RAD51B: variants seen among roughly 807,000 people sequenced by gnomAD.
RAD51B encodes RAD51 paralog B, also known as DNA repair protein RAD51 homolog 2.
RAD51B carries 38 observed loss-of-function variants against 42.2 expected under a neutral mutation model. The ratio of observed to expected loss-of-function variants is 0.90; its 90% CI spans 0.70 to 1.18. The LOEUF is 1.18. RAD51B is among the 50% of genes most tolerant of loss of function. The pLI is 0.00. For missense variants in RAD51B, 373 were observed against 400.7 expected (o/e 0.93, Z 0.59); for synonymous variants, 154 against 145.2 (o/e 1.06, Z -0.43).
At chr14:68,422,584 G>A (rs868255907) in intron 9 of RAD51B, among the ~76,000 whole-genome samples, 1 of 151,696 alleles carries the variant, frequency 6.6e-6, no homozygotes, top group Non-Finnish European at 1.5e-5. Context: ...AAAAATTAGG[G>A]GTAGAGGAAT....
intron 7 of RAD51B, among the ~76,000 whole-genome samples, chr14:68,262,857 T>C (rs1423747412): frequency 6.6e-6 from 1 of 152,202 alleles, no homozygotes; most frequent in East Asian, 1.9e-4. Context: ...ATCCCCTTTT[T>C]CCAATCATAC....
At chr14:68,325,301 C>G (rs2082227821) in intron 8 of RAD51B, among the ~76,000 whole-genome samples, 1 of 152,196 alleles carries the variant, frequency 6.6e-6, no homozygotes. Context: ...TGAGAGCTAT[C>G]ATTATCAACA....
At chr14:68,580,290 G>A (rs961538399) in intron 10 of RAD51B, among the ~76,000 whole-genome samples, 2 of 151,670 alleles carry the variant, frequency 1.3e-5, no homozygotes, top group African/African-American at 2.4e-5. Context: ...CTTGCCCTGC[G>A]GCCAGCTGTG....
Position 68,313,570 on chromosome 14 carries a change from C to T in RAD51B, c.853+21590C>T, listed in dbSNP as rs529893034. 6.5e-4 allele frequency among the ~76,000 whole-genome samples: 99 copies of T among 152,262 alleles called. 1 individual carries two copies. The highest frequency in any genetic ancestry group is 1.0e-3 in the Non-Finnish European group (70 of 68,024). Reference sequence around the variant, plus strand: ...CACTTCCAGCCCCAGCAACAGTGGCCCTTGTCTGCTGTGCAAACTTGGCTC... The same window carrying T: ...CACTTCCAGCCCCAGCAACAGTGGCTCTTGTCTGCTGTGCAAACTTGGCTC... On this transcript the variant is annotated intron_variant, in intron 8 of 10. Coordinates refer to ENST00000471583, the MANE Select transcript of RAD51B (RefSeq NM_133510.4).
intron 7 of RAD51B, among the ~76,000 whole-genome samples, chr14:68,070,598 A>C (rs1190408134): frequency 6.6e-6 from 1 of 151,800 alleles, no homozygotes; most frequent in Non-Finnish European, 1.5e-5. Flanking sequence ...AGGTGTGTGG[A>C]TTTATTTCTG....
intron 9 of RAD51B, among the ~76,000 whole-genome samples, chr14:68,428,337 C>G (rs934889620): frequency 6.6e-6 from 1 of 152,034 alleles, no homozygotes; most frequent in African/African-American, 2.4e-5. Flanking sequence ...AATTTTTTTG[C>G]ATTTTAAATT....
At chr14:68,512,031 TC>T (rs1030933183) in intron 10 of RAD51B, among the ~76,000 whole-genome samples, 12 of 152,212 alleles carry the variant, frequency 7.9e-5, no homozygotes, top group African/African-American at 2.9e-4. Flanking sequence ...AAAGGACTTT[TC>T]CCCCCAAAAT....
chr14:68,477,698 G>C lies in RAD51B; in HGVS notation c.*34G>C, dbSNP rs775121429. The C allele has an allele frequency of 6.2e-7, 1 of 1,610,266 alleles. No homozygotes were observed. The highest frequency in any genetic ancestry group is 1.3e-5 in the African/African-American group (1 of 74,234). ...TGACCTTTGTCTAGAGTTGATGGGG[G>C]TGTGATTTGTGAAATAAAACAGGAC... On this transcript the variant is annotated 3_prime_UTR_variant, in exon 11 of 11. Coordinates refer to ENST00000471583, the MANE Select transcript of RAD51B (RefSeq NM_133510.4).
intron 10 of RAD51B, among the ~76,000 whole-genome samples, chr14:68,535,402 C>T (rs1033817923): frequency 2.0e-5 from 3 of 150,746 alleles, no homozygotes; most frequent in Admixed American, 2.0e-4. Flanking sequence ...CCTCACCCCC[C>T]ACATATTGCC....
At chr14:68,497,556 T>G (rs1884620538) in intron 10 of RAD51B, 1 of 1,036,604 alleles carries the variant, frequency 9.6e-7, no homozygotes, top group Admixed American at 5.5e-5. Flanking sequence ...TAAGATGAAA[T>G]TAACCATTTT....
At chr14:68,444,549 A>G (rs1273377495) in intron 9 of RAD51B, among the ~76,000 whole-genome samples, 4 of 152,208 alleles carry the variant, frequency 2.6e-5, no homozygotes, top group Admixed American at 2.6e-4. Flanking sequence ...GTTTTATTTT[A>G]GAGGGATAGG....
chr14:68,581,183 G>A (rs772735805), intron 10 of RAD51B, among the ~76,000 whole-genome samples: 1 of 152,072 alleles, frequency 6.6e-6, no homozygotes, highest in Non-Finnish European at 1.5e-5. Flanking sequence ...GTGATTTTTC[G>A]ACTTTATGAT....
rs34821600 is a variant in RAD51B at position 68,669,627 on chromosome 14, T to TACAC, written c.*11+18802_*11+18805dup. ...CAAACACACTATCAAACCCGCCACT[T>TACAC]ACACACACACACACACACACACACA... On this transcript the variant is annotated intron_variant, in intron 11 of 11. Coordinates refer to the RAD51B transcript ENST00000488612. Among the ~76,000 whole-genome samples, 623 of 148,014 alleles carry TACAC rather than the reference T, an allele frequency of 4.2e-3. 5 individuals carry two copies. Among genetic ancestry groups the TACAC allele is most frequent in the Admixed American group, 0.015 (223 of 14,944 alleles).
chr14:68,555,891 C>G (rs1027264304), intron 10 of RAD51B, among the ~76,000 whole-genome samples: 1 of 152,290 alleles, frequency 6.6e-6, no homozygotes, highest in Admixed American at 6.5e-5. Flanking sequence ...TCCTTGAGAG[C>G]CAGTATGGGT....
intron 7 of RAD51B, among the ~76,000 whole-genome samples, chr14:67,890,626 A>C: frequency 1.1e-5 from 1 of 89,230 alleles, no homozygotes; most frequent in South Asian, 3.9e-4. Context: ...CCCACCCCAC[A>C]ACAGTCCCCA....
At chr14:68,393,531 TA>T (rs1436528541) in intron 8 of RAD51B, among the ~76,000 whole-genome samples, 6 of 152,334 alleles carry the variant, frequency 3.9e-5, no homozygotes, top group African/African-American at 1.2e-4. Context: ...CTGCTGTTTA[TA>T]AGGTTGATTA....
intron 7 of RAD51B, among the ~76,000 whole-genome samples, chr14:68,174,670 G>T (rs577186760): frequency 2.0e-5 from 3 of 152,138 alleles, no homozygotes; most frequent in Non-Finnish European, 4.4e-5. Flanking sequence ...CAACGTTAAT[G>T]ACTAAAATTC....
chr14:68,116,530 T>C (rs1028719568), intron 7 of RAD51B, among the ~76,000 whole-genome samples: 1 of 152,172 alleles, frequency 6.6e-6, no homozygotes, highest in African/African-American at 2.4e-5. Flanking sequence ...CATAGGAATC[T>C]GCCCTTCGAT....
chr14:67,969,479 C>A (rs2074855030), intron 7 of RAD51B, among the ~76,000 whole-genome samples: 1 of 152,062 alleles, frequency 6.6e-6, no homozygotes, highest in Admixed American at 6.6e-5. Context: ...GTTCCGTATG[C>A]CTAAATCCTC....
Sources: allele counts gnomAD v4.1 joint callset (sites outside exome capture counted in the v4.1 genomes callset), GRCh38; gene constraint gnomAD v4.1.1; transcripts MANE v1.5; gene names NCBI Gene and HGNC (gene_info 2026-07-23, HGNC 2026-07-21).